The following KMT2C variants were observed in gnomAD, a reference collection of about 807,000 sequenced individuals.
The protein encoded by KMT2C is lysine methyltransferase 2C.
KMT2C carries 88 observed loss-of-function variants against 507.9 expected under a neutral mutation model. The ratio of observed to expected loss-of-function variants is 0.17; its 90% CI spans 0.15 to 0.21. The LOEUF (loss-of-function observed/expected upper bound fraction) is 0.21, where lower values mean the gene tolerates loss of function less well. KMT2C is among the 10% of genes least tolerant of loss of function. KMT2C has a pLI of 1.00. For missense variants in KMT2C, 4,954 were observed against 5,957.8 expected (o/e 0.83, Z 5.55); for synonymous variants, 2,049 against 2,080.8 (o/e 0.98, Z 0.42).
chr7:152,426,237 T>G (rs961692276), intron 1 of KMT2C, among the ~76,000 whole-genome samples: 25 of 146,320 alleles, frequency 1.7e-4, no homozygotes, highest in Middle Eastern at 3.4e-3. Context: ...ATAGTTTTTT[T>G]TTTTTTTTTT....
chr7:152,227,235 C>T (rs1028690362), intron 18 of KMT2C, among the ~76,000 whole-genome samples: 5 of 152,196 alleles, frequency 3.3e-5, no homozygotes, highest in Non-Finnish European at 7.3e-5. Context: ...TTGAAATTTC[C>T]TTTTAACCTA....
At chr7:152,188,277 T>C (rs2093682523) in intron 31 of KMT2C, among the ~76,000 whole-genome samples, 2 of 152,190 alleles carry the variant, frequency 1.3e-5, no homozygotes, top group African/African-American at 2.4e-5. Flanking sequence ...GTACTAGAAA[T>C]AGCAAGTGTT....
rs752106947 is a variant in KMT2C at position 152,155,905 on chromosome 7, T to C, written c.11960+5A>G. On this transcript the variant is annotated splice_donor_5th_base_variant and intron_variant, in intron 46 of 58. Transcript: ENST00000262189. ...AGAATTATTTGAGAAAAAAATAACCTGTACCTTAATTCTTCCTGATTGTTA... is the reference window on the plus strand; with the variant it reads ...AGAATTATTTGAGAAAAAAATAACCCGTACCTTAATTCTTCCTGATTGTTA... The C allele has an allele frequency of 1.9e-6, 3 of 1,590,026 alleles. No homozygotes were observed. The highest frequency in any genetic ancestry group is 8.5e-7 in the Non-Finnish European group (1 of 1,174,640).
chr7:152,176,897 A>G lies in KMT2C; in HGVS notation c.8556T>C (p.Pro2852=), dbSNP rs2093234882. 1 of 1,614,212 alleles carries G rather than the reference A, an allele frequency of 6.2e-7. No homozygotes were observed. Among genetic ancestry groups the G allele is most frequent in the East Asian group, 2.2e-5 (1 of 44,892 alleles). The change falls in exon 38 of 59, where the codon CCT becomes CCC. Residue 2852 remains proline, a synonymous_variant. Coordinates refer to ENST00000262189, the MANE Select transcript of KMT2C (RefSeq NM_170606.3). The part of the protein sequence containing the change: ...NDENKDNVDT[P]CSQASAHSDL... The stretch of plus-strand genomic sequence containing the variant: ...CTGAGTGAGCAGAAGCCTGTGAGCA[A>G]GGAGTGTCAACATTATCTTTATTCT...
chr7:152,366,153 A>C (rs1196098775), intron 1 of KMT2C, among the ~76,000 whole-genome samples: 1 of 152,188 alleles, frequency 6.6e-6, no homozygotes, highest in Non-Finnish European at 1.5e-5. Flanking sequence ...AGGGAACATA[A>C]AATGATATGG....
chr7:152,261,188 G>A (rs2095766827), intron 9 of KMT2C, among the ~76,000 whole-genome samples: 1 of 152,294 alleles, frequency 6.6e-6, no homozygotes, highest in East Asian at 1.9e-4. Flanking sequence ...CACCCTACGT[G>A]GCCATAGTGT....
chr7:152,290,990 GTTCT>G (rs1431979414), intron 6 of KMT2C, among the ~76,000 whole-genome samples: 1 of 152,092 alleles, frequency 6.6e-6, no homozygotes, highest in Non-Finnish European at 1.5e-5. Flanking sequence ...CCTACTATTT[GTTCT>G]TTCTCTTGAT....
chr7:152,219,131 G>A (rs143792873), intron 23 of KMT2C, among the ~76,000 whole-genome samples: 2,802 of 151,990 alleles, frequency 0.018, 85 homozygotes, highest in African/African-American at 0.064. Flanking sequence ...CACTGAGCCC[G>A]GCTAATTTTT....
At chr7:152,424,930 GAAGCTGCCTGAC>G (rs1353244619) in intron 1 of KMT2C, among the ~76,000 whole-genome samples, 4 of 152,148 alleles carry the variant, frequency 2.6e-5, no homozygotes, top group Non-Finnish European at 5.9e-5. Flanking sequence ...TACAAAAGTA[GAAGCTGCCTGAC>G]ATGCTCAAGG....
intron 38 of KMT2C, among the ~76,000 whole-genome samples, chr7:152,175,773 G>A (rs1332750109): frequency 6.6e-6 from 1 of 152,178 alleles, no homozygotes; most frequent in Non-Finnish European, 1.5e-5. Context: ...AAGCAGGGTG[G>A]CTCACGCCTG....
At chr7:152,352,959 T>C (rs902771209) in intron 2 of KMT2C, among the ~76,000 whole-genome samples, 6 of 152,196 alleles carry the variant, frequency 3.9e-5, no homozygotes, top group Non-Finnish European at 8.8e-5. Context: ...CTAACTGAAT[T>C]ATAATTAGCT....
chr7:152,364,258 C>G (rs564545537), intron 1 of KMT2C, among the ~76,000 whole-genome samples: 2 of 152,212 alleles, frequency 1.3e-5, no homozygotes, highest in South Asian at 4.1e-4. Context: ...ATGAGAGAAA[C>G]AGAAGATATT....
At chr7:152,399,315 A>C (rs1436990571) in intron 1 of KMT2C, among the ~76,000 whole-genome samples, 1 of 152,198 alleles carries the variant, frequency 6.6e-6, no homozygotes, top group Non-Finnish European at 1.5e-5. Context: ...AAACATATAC[A>C]TTTATCTCTC....
chr7:152,294,622 A>ATCCC (rs2096471191), intron 6 of KMT2C, among the ~76,000 whole-genome samples: 1 of 151,194 alleles, frequency 6.6e-6, no homozygotes, highest in African/African-American at 2.4e-5. Context: ...ACACAGCAAG[A>ATCCC]TCCCTCTCTG....
chr7:152,271,956 T>C (rs554819217), intron 7 of KMT2C, among the ~76,000 whole-genome samples: 4 of 152,164 alleles, frequency 2.6e-5, no homozygotes, highest in African/African-American at 9.6e-5. Flanking sequence ...TGAAAAGGTA[T>C]GGGGCCAAAT....
chr7:152,340,465 A>G (rs1282213025), intron 2 of KMT2C, among the ~76,000 whole-genome samples: 2 of 152,276 alleles, frequency 1.3e-5, no homozygotes, highest in East Asian at 3.9e-4. Context: ...TGTTTTCTGG[A>G]TATATCTCAT....
At chr7:152,266,995 C>A (rs1484512441) in intron 7 of KMT2C, among the ~76,000 whole-genome samples, 1 of 152,188 alleles carries the variant, frequency 6.6e-6, no homozygotes, top group African/African-American at 2.4e-5. Context: ...TAGCCACTCC[C>A]ACATTAAAAC....
chr7:152,320,668 A>T (rs2096765271), intron 3 of KMT2C, among the ~76,000 whole-genome samples: 1 of 152,052 alleles, frequency 6.6e-6, no homozygotes, highest in East Asian at 1.9e-4. Flanking sequence ...AGAAAATACT[A>T]TGTCAAACCA....
intron 2 of KMT2C, among the ~76,000 whole-genome samples, chr7:152,355,415 A>C (rs1300218826): frequency 1.3e-5 from 2 of 152,206 alleles, no homozygotes; most frequent in Admixed American, 6.5e-5. Context: ...ACGTAATTTT[A>C]GAGTCATTAG....
Sources: gnomAD v4.1 joint callset for allele counts (sites outside exome capture counted in the v4.1 genomes callset) on GRCh38, gnomAD v4.1.1 for gene constraint, MANE v1.5 for transcripts, NCBI Gene and HGNC (gene_info 2026-07-23, HGNC 2026-07-21) for gene names.